The following GABRB2 variants were observed in gnomAD, a reference collection of about 807,000 sequenced individuals.
GABRB2 encodes gamma-aminobutyric acid type A receptor subunit beta2.
Under a neutral mutation model 54.7 loss-of-function variants are expected in GABRB2, and 16 were observed. That is an observed-to-expected ratio of 0.29 (90% CI 0.20 to 0.44). GABRB2 has a LOEUF of 0.44. Ranked by LOEUF, GABRB2 falls within the 20% of genes least tolerant of loss-of-function variation. The probability of loss-of-function intolerance (pLI) is 1.00; values close to 1 mark genes in which losing one functional copy is unlikely to be tolerated. For synonymous variants in GABRB2, 244 were observed against 233.8 expected, an observed-to-expected ratio of 1.04 and a Z score of -0.40; for missense variants, 355 against 644.0, an observed-to-expected ratio of 0.55 and a Z score of 4.86.
chr5:161,520,411 C>T (rs1470087312), intron 3 of GABRB2, among the ~76,000 whole-genome samples: 2 of 152,028 alleles, frequency 1.3e-5, no homozygotes, highest in African/African-American at 2.4e-5. Flanking sequence ...TAACAAAGAA[C>T]AAATCTTCAT....
intron 5 of GABRB2, among the ~76,000 whole-genome samples, chr5:161,402,365 C>T (rs1028435818): frequency 4.6e-5 from 7 of 151,968 alleles, no homozygotes; most frequent in Non-Finnish European, 1.0e-4. Context: ...GTTAAATATT[C>T]ATATGTGTAT....
chr5:161,424,767 G>A (rs908583413), intron 4 of GABRB2, among the ~76,000 whole-genome samples: 13 of 152,116 alleles, frequency 8.5e-5, no homozygotes, highest in Admixed American at 7.2e-4. Context: ...ATTTCATAAG[G>A]TTATTGCTGT....
At chr5:161,327,007 G>A (rs1479136209) in intron 8 of GABRB2, 1 of 982,458 alleles carries the variant, frequency 1.0e-6, no homozygotes, top group African/African-American at 1.8e-5. Context: ...GGCAAGAACA[G>A]TGGGTGAAAT....
At chr5:161,507,668 A>G (rs1031854814) in intron 3 of GABRB2, among the ~76,000 whole-genome samples, 2 of 152,120 alleles carry the variant, frequency 1.3e-5, no homozygotes, top group African/African-American at 4.8e-5. Flanking sequence ...CGTGACACAC[A>G]ACTCAATTAA....
intron 5 of GABRB2, among the ~76,000 whole-genome samples, chr5:161,359,748 A>G (rs1253361262): frequency 6.6e-6 from 1 of 152,232 alleles, no homozygotes; most frequent in South Asian, 2.1e-4. Context: ...TACAGATGAA[A>G]GATCAATGAG....
In GABRB2 at chr5:161,420,005, A is replaced by G. The variant is rs1022882128; in HGVS notation, c.459-8948T>C. ...ATTTAAAATGATCATGATAAGAAAT[A>G]TAGTTGAACCAGAGTCTCTTACAGA... On this transcript the variant is annotated intron_variant, in intron 4 of 9. Transcript: ENST00000393959. Among the ~76,000 whole-genome samples, 3 of 152,330 alleles carry G rather than the reference A, an allele frequency of 2.0e-5. No homozygotes were observed. The South Asian group carries it at 6.2e-4, about 32-fold the overall frequency.
intron 5 of GABRB2, among the ~76,000 whole-genome samples, chr5:161,386,780 C>A (rs1313116230): frequency 1.3e-5 from 2 of 150,654 alleles, no homozygotes; most frequent in Non-Finnish European, 2.9e-5. Context: ...GAGCTCAAAC[C>A]TCCCAAAGTG....
At chr5:161,371,900 T>C (rs1444029773) in intron 5 of GABRB2, among the ~76,000 whole-genome samples, 1 of 152,044 alleles carries the variant, frequency 6.6e-6, no homozygotes, top group Admixed American at 6.6e-5. Flanking sequence ...TTTATTTTTA[T>C]TTTTATTTTT....
chr5:161,546,926 C>T, upstream of GABRB2: 1 of 430,404 alleles, frequency 2.3e-6, no homozygotes, highest in Non-Finnish European at 3.7e-6. Flanking sequence ...TTGTTGTTAT[C>T]CTTTCGTTAA....
intron 5 of GABRB2, among the ~76,000 whole-genome samples, chr5:161,357,540 T>C (rs1427352135): frequency 6.7e-6 from 1 of 149,498 alleles, no homozygotes; most frequent in Non-Finnish European, 1.5e-5. Flanking sequence ...AAAAATGATA[T>C]GATCTGGCCT....
intron 3 of GABRB2, among the ~76,000 whole-genome samples, chr5:161,505,216 C>A (rs1759570063): frequency 1.3e-5 from 2 of 151,824 alleles, no homozygotes; most frequent in South Asian, 4.1e-4. Flanking sequence ...GCAACCTCAG[C>A]CTCCTGGGTT....
At chr5:161,385,253 C>A (rs1218439040) in intron 5 of GABRB2, among the ~76,000 whole-genome samples, 3 of 152,172 alleles carry the variant, frequency 2.0e-5, no homozygotes, top group African/African-American at 4.8e-5. Flanking sequence ...TGCACATATT[C>A]CCCACTGAAT....
At chr5:161,335,049 A>G in intron 6 of GABRB2, 145 bp from the exon 7 acceptor site, 2 of 752,058 alleles carry the variant, frequency 2.7e-6, no homozygotes, top group Non-Finnish European at 4.2e-6. Context: ...GTAGTCTGAG[A>G]GCCCTGAGTT....
chr5:161,426,892 T>A (rs1295578910), intron 4 of GABRB2, among the ~76,000 whole-genome samples: 2 of 152,126 alleles, frequency 1.3e-5, no homozygotes, highest in African/African-American at 4.8e-5. Context: ...GAAAAGAAGA[T>A]GTGTATGACA....
intron 5 of GABRB2, among the ~76,000 whole-genome samples, chr5:161,387,002 A>G (rs958545529): frequency 1.3e-5 from 2 of 151,992 alleles, no homozygotes; most frequent in Non-Finnish European, 2.9e-5. Context: ...AAGGGCACAT[A>G]ATCTATTAAC....
intron 5 of GABRB2, among the ~76,000 whole-genome samples, chr5:161,392,697 G>T (rs1755867363): frequency 6.6e-6 from 1 of 152,120 alleles, no homozygotes; most frequent in Non-Finnish European, 1.5e-5. Context: ...TCAAAACACT[G>T]ACTGGCACAT....
At chr5:161,516,346 A>G (rs540665609) in intron 3 of GABRB2, among the ~76,000 whole-genome samples, 2 of 152,248 alleles carry the variant, frequency 1.3e-5, no homozygotes, top group South Asian at 4.1e-4. Flanking sequence ...AGAGGTAGGT[A>G]TTATTGCCAC....
At chr5:161,324,287 A>G (rs7702969) in intron 9 of GABRB2, among the ~76,000 whole-genome samples, 10,811 of 152,156 alleles carry the variant, frequency 0.071, 611 homozygotes, top group Admixed American at 0.16. Context: ...GATTTTCACT[A>G]TACTTTGTGT....
At chr5:161,338,786 T>A (rs912061484) in intron 5 of GABRB2, among the ~76,000 whole-genome samples, 1 of 151,976 alleles carries the variant, frequency 6.6e-6, no homozygotes, top group South Asian at 2.1e-4. Context: ...ACTCTGCCTC[T>A]AAAAAATATA....
Sources: gnomAD v4.1 joint callset for allele counts (sites outside exome capture counted in the v4.1 genomes callset) on GRCh38, gnomAD v4.1.1 for gene constraint, MANE v1.5 for transcripts, NCBI Gene and HGNC (gene_info 2026-07-23, HGNC 2026-07-21) for gene names.